The following WRNIP1 variants were observed in gnomAD, a reference collection of about 807,000 sequenced individuals.
WRNIP1 encodes WRN helicase interacting protein 1.
A neutral mutation model predicts 56.1 loss-of-function variants in WRNIP1; 41 were observed. The observed-to-expected ratio is 0.73, with a 90% confidence interval of 0.57 to 0.95. The LOEUF (loss-of-function observed/expected upper bound fraction) is 0.95, where lower values mean the gene tolerates loss of function less well. Ranked by LOEUF, WRNIP1 falls within the 40% of genes least tolerant of loss-of-function variation. The pLI, the probability that WRNIP1 is intolerant of heterozygous loss-of-function variation, is 0.00. For missense variants in WRNIP1, 1,170 were observed against 939.4 expected (o/e 1.25, Z -3.21); for synonymous variants, 547 against 398.1 (o/e 1.37, Z -4.45).
chr6:2,782,341 C>T (rs1303695069), intron 4 of WRNIP1, among the ~76,000 whole-genome samples: 1 of 152,266 alleles, frequency 6.6e-6, no homozygotes, highest in Non-Finnish European at 1.5e-5. Flanking sequence ...TCCATCTGCC[C>T]TGGCTCTCAG....
intron 3 of WRNIP1, chr6:2,773,190 A>G: frequency 1.0e-6 from 1 of 985,416 alleles, no homozygotes; most frequent in Non-Finnish European, 1.2e-6. Context: ...TTTTTTTAAA[A>G]AAAAATTCCC....
In WRNIP1 at chr6:2,766,206, A is replaced by G. The variant is rs754937498; in HGVS notation, c.584A>G (p.Glu195Gly). ...GGGCACTGGGACGCGGACGCTGCCG[A>G]AGCCGCCACCGCCTTCGGGGCCAGT... ...DPGHWDADAA[E>G]AATAFGASGG... The change falls in exon 1 of 7, where the codon GAA (glutamate) becomes GGA (glycine). Residue 195 changes from glutamate to glycine, a missense_variant. By Grantham distance (98) the Glu-to-Gly change is moderately conservative (BLOSUM62 -2). Transcript: ENST00000380773. The G allele has an allele frequency of 6.9e-7, 1 of 1,448,022 alleles. No individual in the cohort carries two copies. Among genetic ancestry groups the G allele is most frequent in the Non-Finnish European group, 9.1e-7 (1 of 1,098,278 alleles). 89.7% of individuals were successfully genotyped at this position (1,448,022 alleles called of 1,614,324 possible).
chr6:2,769,616 G>T (rs1178175772), intron 2 of WRNIP1, among the ~76,000 whole-genome samples: 1 of 152,024 alleles, frequency 6.6e-6, no homozygotes, highest in East Asian at 1.9e-4. Context: ...CGAGGCGTTA[G>T]CATTCTAGGT....
chr6:2,783,591 T>C, intron 5 of WRNIP1, 30 bp downstream of exon 5: 1 of 1,497,674 alleles, frequency 6.7e-7, no homozygotes, highest in South Asian at 1.2e-5. Flanking sequence ...CCCGGAGTCC[T>C]ATGTCCATGA....
At chr6:2,778,187 C>T (rs1186729069) in intron 3 of WRNIP1, among the ~76,000 whole-genome samples, 12 of 152,190 alleles carry the variant, frequency 7.9e-5, no homozygotes, top group East Asian at 3.9e-4. Context: ...CACCCCTCCC[C>T]GGCCCAGCCC....
At chr6:2,769,498 T>A (rs888081615) in intron 2 of WRNIP1, among the ~76,000 whole-genome samples, 5 of 152,172 alleles carry the variant, frequency 3.3e-5, no homozygotes, top group African/African-American at 4.8e-5. Flanking sequence ...GGCATAACTT[T>A]AAAAAATTTT....
rs569944387 is a variant in WRNIP1, at chr6:2,775,264, C to T, written c.1257-3999C>T. Among the ~76,000 whole-genome samples, 8 of 152,224 alleles carry T rather than the reference C, an allele frequency of 5.3e-5. No individual in the cohort carries two copies. In the South Asian group the frequency reaches 1.7e-3, roughly 32 times the overall value. On this transcript the variant is annotated intron_variant, in intron 3 of 6. Transcript: ENST00000380773. ...TCTTTGTGTAAGAGCAGCAGGAGAG[C>T]CTTTTAACCAGATCTGCACATCACA...
chr6:2,785,356 A>G lies in WRNIP1; in HGVS notation c.*74A>G. 1 of 1,549,416 alleles carries G rather than the reference A, an allele frequency of 6.5e-7. No homozygotes were observed. Among genetic ancestry groups the G allele is most frequent in the Non-Finnish European group, 8.7e-7 (1 of 1,146,742 alleles). On this transcript the variant is annotated 3_prime_UTR_variant, in exon 7 of 7. Coordinates refer to ENST00000380773, the MANE Select transcript of WRNIP1 (RefSeq NM_020135.3). ...CAGAAAGAAAGTTAGTGGATTGCAA[A>G]GTTGGTTGCCTGGTGGAAGTTAGAA...
chr6:2,768,943 A>G, intron 2 of WRNIP1, 61 bp downstream of exon 2: 1 of 1,498,536 alleles, frequency 6.7e-7, no homozygotes, highest in Non-Finnish European at 9.0e-7. Context: ...AAAGTGTGTG[A>G]GATCACTATA....
intron 3 of WRNIP1, among the ~76,000 whole-genome samples, chr6:2,776,750 C>A (rs1324920705): frequency 2.0e-5 from 3 of 152,118 alleles, no homozygotes; most frequent in Non-Finnish European, 4.4e-5. Context: ...CTAGTAAATA[C>A]CATGGTATAT....
chr6:2,772,396 A>G (rs141279245), intron 3 of WRNIP1, among the ~76,000 whole-genome samples: 24 of 152,326 alleles, frequency 1.6e-4, no homozygotes, highest in African/African-American at 5.5e-4. Context: ...TTTCCTGGGA[A>G]GACTGTGAGG....
chr6:2,773,736 G>A, intron 3 of WRNIP1: 2 of 980,352 alleles, frequency 2.0e-6, no homozygotes, highest in Non-Finnish European at 1.2e-6. Context: ...AGATTCCTAG[G>A]TCATAGAATA....
At chr6:2,768,438 T>C (rs1263265830) in intron 1 of WRNIP1, among the ~76,000 whole-genome samples, 1 of 152,266 alleles carries the variant, frequency 6.6e-6, no homozygotes, top group South Asian at 2.1e-4. Flanking sequence ...GAATCAAAGG[T>C]GGTTAGGGAC....
At chr6:2,783,101 G>C (rs1185150066) in intron 4 of WRNIP1, among the ~76,000 whole-genome samples, 1 of 152,022 alleles carries the variant, frequency 6.6e-6, no homozygotes, top group Non-Finnish European at 1.5e-5. Context: ...TCTTGTCTCT[G>C]GCAAATCCAC....
At position 2,766,266 on chromosome 6, in the gene WRNIP1, C is replaced by G; in HGVS notation, c.644C>G (p.Ala215Gly). 6.4e-7 allele frequency: 1 copy of G among 1,559,420 alleles called. No homozygotes were observed. The highest frequency in any genetic ancestry group is 8.7e-7 in the Non-Finnish European group (1 of 1,155,180). ...GGRPHPRALA[A>G]EEIRQMLQGK... Reference sequence around the variant, plus strand: ...CGCCCGCACCCCCGGGCGCTGGCTGCCGAGGAGATCCGACAGATGCTACAG... The same window carrying G: ...CGCCCGCACCCCCGGGCGCTGGCTGGCGAGGAGATCCGACAGATGCTACAG... The change falls in exon 1 of 7, where the codon GCC becomes GGC. Residue 215 changes from alanine (A) to glycine (G), a missense_variant. Physicochemically the swap from Ala to Gly is moderately conservative, Grantham distance 60. Transcript: ENST00000380773.
At chr6:2,770,474 T>A in intron 3 of WRNIP1, 113 bp downstream of exon 3, 1 of 1,409,958 alleles carries the variant, frequency 7.1e-7, no homozygotes, top group African/African-American at 1.4e-5. Context: ...AGAGAAGAAA[T>A]GTTGATCCGC....
Position 2,773,409 on chromosome 6 carries a change from T to A in WRNIP1, c.1256+3048T>A, listed in dbSNP as rs73354561. On this transcript the variant is annotated intron_variant, in intron 3 of 6. Transcript: ENST00000380773. Reference sequence around the variant, plus strand: ...AATATGTGAAATCCAGTATTTCACCTCCTAGATGAGGGGATGCGGAGTTGA... The same window carrying A: ...AATATGTGAAATCCAGTATTTCACCACCTAGATGAGGGGATGCGGAGTTGA... 245 of 985,432 alleles carry A rather than the reference T, an allele frequency of 2.5e-4. 1 individual carries two copies. In the African/African-American group the frequency reaches 3.9e-3, roughly 16 times the overall value. 61.0% of individuals were successfully genotyped at this position (985,432 alleles called of 1,614,324 possible).
At position 2,781,364 on chromosome 6, in the gene WRNIP1, C is replaced by T. The variant is rs186514660; in HGVS notation, c.1486+1872C>T. ...GTATGAGTGTGTTTACACACCCCAC[C>T]CCAGTGCAACATGTCTGCCCCACAG... On this transcript the variant is annotated intron_variant, in intron 4 of 6. Transcript: ENST00000380773. Among the ~76,000 whole-genome samples the T allele has an allele frequency of 2.4e-3, 359 of 152,348 alleles. 1 individual carries two copies. Among genetic ancestry groups the T allele is most frequent in the Non-Finnish European group, 4.0e-3 (272 of 68,028 alleles).
At chr6:2,769,972 C>T in intron 2 of WRNIP1, 148 bp from the exon 3 acceptor site, 3 of 1,132,110 alleles carry the variant, frequency 2.6e-6, no homozygotes, top group Non-Finnish European at 3.8e-6. Context: ...AATATTGCAT[C>T]TATATTCAGT....
Sources: gnomAD v4.1 joint callset for allele counts (sites outside exome capture counted in the v4.1 genomes callset) on GRCh38, gnomAD v4.1.1 for gene constraint, MANE v1.5 for transcripts, NCBI Gene and HGNC (gene_info 2026-07-23, HGNC 2026-07-21) for gene names.